GATAD2B: variants seen among roughly 807,000 people sequenced by gnomAD.
The protein encoded by GATAD2B is transcriptional repressor p66-beta.
In GATAD2B, 8 loss-of-function variants were observed where a neutral mutation model predicts 64.3. The ratio of observed to expected loss-of-function variants is 0.12; its 90% CI spans 0.07 to 0.22. The LOEUF (loss-of-function observed/expected upper bound fraction) is 0.22, where lower values mean the gene tolerates loss of function less well. GATAD2B is among the 10% of genes least tolerant of loss of function. GATAD2B has a pLI of 1.00. For missense variants in GATAD2B, 453 were observed against 752.0 expected (o/e 0.60, Z 4.65); for synonymous variants, 281 against 271.3 (o/e 1.04, Z -0.35).
chr1:153,816,449 T>G lies in GATAD2B; in HGVS notation c.1040A>C (p.Asn347Thr). ...AGCCAATTTGGCTGCAGCCTGTGAG[T>G]TGGCAGCATCAGTCATGGCGCTGGG... ...PSPSAMTDAANSQAAAKLALR... is the reference protein window; with the variant it reads ...PSPSAMTDAATSQAAAKLALR... The change falls in exon 7 of 11, where the codon AAC becomes ACC. Residue 347 changes from asparagine (N) to threonine (T), a missense_variant. Asn to Thr is a moderately conservative substitution (Grantham distance 65). Coordinates refer to ENST00000368655, the MANE Select transcript of GATAD2B (RefSeq NM_020699.4). This position sits in a 1 kb window ranked among gnomAD's most constrained non-coding sequence, Gnocchi z 4.9. The G allele has an allele frequency of 1.9e-6, 3 of 1,614,128 alleles. No homozygotes were observed. The highest frequency in any genetic ancestry group is 1.7e-6 in the Non-Finnish European group (2 of 1,179,974).
intron 1 of GATAD2B, among the ~76,000 whole-genome samples, chr1:153,884,349 G>A (rs967952606): frequency 6.6e-6 from 1 of 152,054 alleles, no homozygotes; most frequent in African/African-American, 2.4e-5. Flanking sequence ...AGGCTGAGGC[G>A]GGAGAATGGC....
At chr1:153,903,079 G>A (rs761193725) in intron 1 of GATAD2B, among the ~76,000 whole-genome samples, 5 of 152,032 alleles carry the variant, frequency 3.3e-5, no homozygotes, top group Admixed American at 6.6e-5. Context: ...TTAGCCGGGC[G>A]TGGTGGCGGG....
intron 1 of GATAD2B, among the ~76,000 whole-genome samples, chr1:153,836,750 T>G (rs951829582): frequency 6.6e-6 from 1 of 152,160 alleles, no homozygotes; most frequent in South Asian, 2.1e-4. Flanking sequence ...TTGAGATATA[T>G]TCACGTGCAC....
intron 1 of GATAD2B, among the ~76,000 whole-genome samples, chr1:153,916,557 G>A (rs1010465588): frequency 1.3e-5 from 2 of 152,172 alleles, no homozygotes; most frequent in Non-Finnish European, 2.9e-5. Context: ...CTAGCTCACA[G>A]TAGACAACCG....
chr1:153,845,665 G>A (rs1384733555), intron 1 of GATAD2B, among the ~76,000 whole-genome samples: 1 of 150,340 alleles, frequency 6.7e-6, no homozygotes, highest in African/African-American at 2.5e-5. Flanking sequence ...GGGGGGTGAG[G>A]TGGGAGGACT....
At chr1:153,897,645 T>C (rs899907780) in intron 1 of GATAD2B, among the ~76,000 whole-genome samples, 1 of 152,148 alleles carries the variant, frequency 6.6e-6, no homozygotes, top group Non-Finnish European at 1.5e-5. Context: ...AGTTTCTGCT[T>C]AAGAAAAATT....
intron 1 of GATAD2B, among the ~76,000 whole-genome samples, chr1:153,912,894 A>G (rs1235874619): frequency 6.6e-6 from 1 of 151,956 alleles, no homozygotes; most frequent in Admixed American, 6.6e-5. Flanking sequence ...GGAGTTCAAG[A>G]CCAGCCTGGC....
intron 1 of GATAD2B, among the ~76,000 whole-genome samples, chr1:153,878,123 T>C (rs1464299971): frequency 2.6e-5 from 4 of 151,704 alleles, no homozygotes; most frequent in African/African-American, 4.8e-5. Flanking sequence ...GCCTGGGGAA[T>C]AAGCAGAACA....
At chr1:153,841,001 T>C (rs542955166) in intron 1 of GATAD2B, among the ~76,000 whole-genome samples, 1 of 151,864 alleles carries the variant, frequency 6.6e-6, no homozygotes, top group South Asian at 2.1e-4. Context: ...GGCATGTGCC[T>C]GTAGTCTGAG....
At chr1:153,819,876 A>T in intron 2 of GATAD2B, 141 bp from the exon 3 acceptor site, 1 of 564,436 alleles carries the variant, frequency 1.8e-6, no homozygotes, top group Non-Finnish European at 3.0e-6. Context: ...AGGCGGGTGG[A>T]ACACCTGGGG....
At chr1:153,836,098 T>TG (rs1557793731) in intron 1 of GATAD2B, among the ~76,000 whole-genome samples, 1 of 151,980 alleles carries the variant, frequency 6.6e-6, no homozygotes, top group African/African-American at 2.4e-5. Flanking sequence ...TGCTTTATTG[T>TG]GGTGGTCTGG....
chr1:153,879,944 T>G (rs1010309789), intron 1 of GATAD2B, among the ~76,000 whole-genome samples: 1 of 152,180 alleles, frequency 6.6e-6, no homozygotes, highest in African/African-American at 2.4e-5. Context: ...TTCCATGTGC[T>G]GTTTGACTGT....
intron 1 of GATAD2B, among the ~76,000 whole-genome samples, chr1:153,909,309 G>A (rs1422864006): frequency 6.6e-6 from 1 of 151,904 alleles, no homozygotes; most frequent in African/African-American, 2.4e-5. Flanking sequence ...CGCCTCCTGG[G>A]TTCACGCCAT....
At chr1:153,839,127 A>G (rs1268927669) in intron 1 of GATAD2B, among the ~76,000 whole-genome samples, 2 of 150,816 alleles carry the variant, frequency 1.3e-5, no homozygotes, top group Non-Finnish European at 3.0e-5. Flanking sequence ...AAAAAAAAAA[A>G]AAAAAAAGAA....
chr1:153,853,228 C>T, intron 1 of GATAD2B: 1 of 1,106,908 alleles, frequency 9.0e-7, no homozygotes, highest in Non-Finnish European at 1.4e-6. Context: ...GCACACTGGT[C>T]ATGGCCACCG....
At chr1:153,859,824 G>C (rs1676215253) in intron 1 of GATAD2B, among the ~76,000 whole-genome samples, 1 of 150,926 alleles carries the variant, frequency 6.6e-6, no homozygotes, top group Non-Finnish European at 1.5e-5. Flanking sequence ...AGTTTGGAGG[G>C]TAAATTATAT....
intron 2 of GATAD2B, 76 bp from the exon 3 acceptor site, chr1:153,819,811 A>G: frequency 7.3e-7 from 1 of 1,375,978 alleles, no homozygotes; most frequent in South Asian, 1.4e-5. Context: ...AAAAAAATCC[A>G]AGGGGGGCCG....
intron 1 of GATAD2B, among the ~76,000 whole-genome samples, chr1:153,866,874 G>A (rs1159466204): frequency 6.6e-6 from 1 of 152,096 alleles, no homozygotes; most frequent in African/African-American, 2.4e-5. Flanking sequence ...TCCGCCTCCC[G>A]GGTTCAATAG....
intron 1 of GATAD2B, among the ~76,000 whole-genome samples, chr1:153,903,233 T>C (rs1184742799): frequency 1.4e-5 from 2 of 147,096 alleles, no homozygotes; most frequent in East Asian, 3.9e-4. Context: ...AAAAAAAAAG[T>C]GGTTACAAAG....
Sources: gnomAD v4.1 joint callset for allele counts (sites outside exome capture counted in the v4.1 genomes callset) on GRCh38, gnomAD v4.1.1 for gene constraint, Gnocchi (gnomAD v3.1) non-coding constraint, MANE v1.5 for transcripts, NCBI Gene and HGNC (gene_info 2026-07-23, HGNC 2026-07-21) for gene names.